The following NKTR variants were observed in gnomAD, a reference collection of about 807,000 sequenced individuals.
The protein encoded by NKTR is NK-tumor recognition protein.
NKTR carries 67 observed loss-of-function variants against 156.3 expected under a neutral mutation model. That is an observed-to-expected ratio of 0.43 (90% CI 0.35 to 0.53). The LOEUF (loss-of-function observed/expected upper bound fraction) is 0.53. Ranked by LOEUF, NKTR falls within the 20% of genes least tolerant of loss-of-function variation. The probability of loss-of-function intolerance (pLI) is 0.01; values close to 1 mark genes in which losing one functional copy is unlikely to be tolerated. For missense variants in NKTR, 1,604 were observed against 1,730.9 expected, an observed-to-expected ratio of 0.93 and a Z score of 1.30; for synonymous variants, 640 against 596.6, an observed-to-expected ratio of 1.07 and a Z score of -1.06.
At chr3:42,644,940 T>G (rs1710227786) in intron 16 of NKTR, among the ~76,000 whole-genome samples, 1 of 152,024 alleles carries the variant, frequency 6.6e-6, no homozygotes. Context: ...TTCTATTCTG[T>G]CCTTGAACCC....
At chr3:42,610,223 C>T (rs948913315) in intron 2 of NKTR, among the ~76,000 whole-genome samples, 2 of 152,054 alleles carry the variant, frequency 1.3e-5, no homozygotes, top group African/African-American at 4.8e-5. Flanking sequence ...AGGCTGGTCT[C>T]GAACTCCCGA....
At chr3:42,621,845 T>C (rs1707932141) in intron 6 of NKTR, among the ~76,000 whole-genome samples, 1 of 151,988 alleles carries the variant, frequency 6.6e-6, no homozygotes, top group African/African-American at 2.4e-5. Context: ...ACATAAACTA[T>C]TGATGAACAT....
At chr3:42,615,825 A>G (rs1559558171) in intron 2 of NKTR, among the ~76,000 whole-genome samples, 1 of 152,214 alleles carries the variant, frequency 6.6e-6, no homozygotes, top group African/African-American at 2.4e-5. Flanking sequence ...AAATGTTTCT[A>G]TATAAATACA....
In NKTR at chr3:42,638,434, A is replaced by G. The variant is rs769523546; in HGVS notation, c.2730A>G (p.Glu910=). Residue 910 remains glutamate (E), a synonymous_variant, in exon 13 of 17, where the codon GAA becomes GAG. Coordinates refer to ENST00000232978, the MANE Select transcript of NKTR (RefSeq NM_005385.4). ...ACTCCCATCCATCCTCTGACAAGGA[A>G]GAAGGTGAGGCCACATCCGATTCTG... ...KNDSHPSSDK[E]EGEATSDSES... 1.1e-5 allele frequency: 17 copies of G among 1,613,286 alleles called. No homozygotes were observed. Among genetic ancestry groups the G allele is most frequent in the Admixed American group, 1.7e-5 (1 of 59,802 alleles).
rs1475492506 is a variant in NKTR at position 42,631,374 on chromosome 3, CTG to C, written c.550+60_550+61del. ...GATGCAGGTAAAGCATTGCTGAAGA[CTG>C]TAACTAGATTTGATTAGTGGAACTA... On this transcript the variant is annotated intron_variant, in intron 8 of 16. Transcript: ENST00000232978. 4.4e-6 allele frequency: 7 copies of C among 1,582,568 alleles called. No homozygotes were observed. In the East Asian group the frequency reaches 6.8e-5, roughly 15 times the overall value.
intron 6 of NKTR, among the ~76,000 whole-genome samples, chr3:42,622,286 C>A (rs1707989703): frequency 6.6e-6 from 1 of 152,022 alleles, no homozygotes; most frequent in Non-Finnish European, 1.5e-5. Flanking sequence ...TGCTTCAAAA[C>A]CTATTTTTAT....
At position 42,612,904 on chromosome 3, in the gene NKTR, T is replaced by TA. The variant is rs569274923; in HGVS notation, c.59-4665dup. 3.7e-4 allele frequency among the ~76,000 whole-genome samples: 57 copies of TA among 152,338 alleles called. 1 individual carries two copies. In the South Asian group the frequency reaches 0.012, roughly 32 times the overall value. On this transcript the variant is annotated intron_variant, in intron 2 of 16. Transcript: ENST00000232978. ...ATTGATATCTTGGTGTTGCTCCACT[T>TA]ACATATTTTTTCCTGGTATGTAGTG...
At chr3:42,627,712 A>T (rs952744546) in intron 6 of NKTR, 1 of 983,830 alleles carries the variant, frequency 1.0e-6, no homozygotes, top group African/African-American at 1.7e-5. Flanking sequence ...AAATGCATAA[A>T]TATTGAAAGG....
At position 42,639,259 on chromosome 3, in the gene NKTR, T is replaced by G; in HGVS notation, c.3555T>G (p.Ser1185Arg). The change falls in exon 13 of 17, where the codon AGT (serine) becomes AGG (arginine). Residue 1185 changes from serine (S) to arginine (R), a missense_variant. Physicochemically the swap from Ser to Arg is moderately radical, Grantham distance 110. Around this residue, in one of 6 missense-constraint regions of NKTR, gnomAD observed 1,255 missense variants for 1,243.7 expected, o/e 1.01. Coordinates refer to ENST00000232978, the MANE Select transcript of NKTR (RefSeq NM_005385.4). ...AACAGGAAAGCAGCATGTCCGAAAGTAAAGTGTTGGGTGAAGTGGGGAAAC... is the reference window on the plus strand; with the variant it reads ...AACAGGAAAGCAGCATGTCCGAAAGGAAAGTGTTGGGTGAAGTGGGGAAAC... ...VVKQESSMSE[S>R]KVLGEVGKQD... 6.2e-7 allele frequency: 1 copy of G among 1,614,168 alleles called. No homozygotes were observed. Among genetic ancestry groups the G allele is most frequent in the Non-Finnish European group, 8.5e-7 (1 of 1,180,012 alleles).
chr3:42,637,203 G>T lies in NKTR; in HGVS notation c.1499G>T (p.Trp500Leu), dbSNP rs1429454349. ...TCTCATCACTCATCAAAGAGAGACTGGTCTAAATCTGATAAGGATGTCCAG... is the reference window on the plus strand; with the variant it reads ...TCTCATCACTCATCAAAGAGAGACTTGTCTAAATCTGATAAGGATGTCCAG... ...LSSHHSSKRD[W>L]SKSDKDVQSS... Residue 500 changes from tryptophan to leucine, a missense_variant, in exon 13 of 17, where the codon TGG becomes TTG. Transcript: ENST00000232978. The T allele has an allele frequency of 6.2e-7, 1 of 1,611,984 alleles. No homozygotes were observed. The highest frequency in any genetic ancestry group is 8.5e-7 in the Non-Finnish European group (1 of 1,179,428).
Position 42,645,939 on chromosome 3 carries a change from T to G in NKTR, c.4353T>G (p.His1451Gln). ...GTGAAAGTGACCGAAGTTACTCTCA[T>G]CACCGGAGCCCCAGTGAGAGCAGCA... ...SDSESDRSYSHHRSPSESSRY... is the reference protein window; with the variant it reads ...SDSESDRSYSQHRSPSESSRY... The change falls in exon 17 of 17, where the codon CAT becomes CAG. Residue 1451 changes from histidine to glutamine, a missense_variant. His to Gln is a conservative substitution (Grantham distance 24). This residue lies in a region of NKTR where 193 missense variants were observed against 220.2 expected (regional missense o/e 0.88). Transcript: ENST00000232978. The G allele has an allele frequency of 2.5e-6, 4 of 1,613,820 alleles. No homozygotes were observed. The highest frequency in any genetic ancestry group is 3.4e-6 in the Non-Finnish European group (4 of 1,179,758).
rs1186677941 is a variant in NKTR at position 42,639,556 on chromosome 3, A to G, written c.3852A>G (p.Thr1284=). ...CTCTCTTTGATGAAGTAAGAAAGAC[A>G]GCACGCTTAAACCGTAGACCAAGAA... ...PGSLFDEVRK[T]ARLNRRPRNQ... The change falls in exon 13 of 17, where the codon ACA becomes ACG. Residue 1284 remains threonine, a synonymous_variant. Transcript: ENST00000232978. 1 of 1,614,246 alleles carries G rather than the reference A, an allele frequency of 6.2e-7. No individual in the cohort carries two copies. The highest frequency in any genetic ancestry group is 8.5e-7 in the Non-Finnish European group (1 of 1,180,032).
Position 42,631,168 on chromosome 3 carries a change from CAG to C in NKTR, c.405-2_405-1del. On this transcript the variant is annotated splice_acceptor_variant, in intron 7 of 16. Coordinates refer to ENST00000232978, the MANE Select transcript of NKTR (RefSeq NM_005385.4). LOFTEE classifies it high-confidence loss of function. ...GTTGTTTCTTGAATTTGTATTATGA[CAG>C]GGTGCATGTAGTCTTTGGACTGGTT... The C allele has an allele frequency of 1.9e-6, 3 of 1,613,154 alleles. No homozygotes were observed. The highest frequency in any genetic ancestry group is 2.5e-6 in the Non-Finnish European group (3 of 1,179,528).
At chr3:42,603,625 A>G (rs1438759343) in intron 2 of NKTR, among the ~76,000 whole-genome samples, 1 of 151,898 alleles carries the variant, frequency 6.6e-6, no homozygotes, top group Non-Finnish European at 1.5e-5. Flanking sequence ...CAATGCTTAC[A>G]TTGTTCTAGG....
intron 6 of NKTR, among the ~76,000 whole-genome samples, chr3:42,625,610 G>C (rs756304433): frequency 6.6e-6 from 1 of 152,092 alleles, no homozygotes; most frequent in Non-Finnish European, 1.5e-5. Flanking sequence ...ACTAGATTCG[G>C]GGTAGAAATG....
In NKTR at chr3:42,634,334, A is replaced by G. The variant is rs184375085; in HGVS notation, c.930-279A>G. Among the ~76,000 whole-genome samples, 3 of 152,382 alleles carry G rather than the reference A, an allele frequency of 2.0e-5. No homozygotes were observed. The East Asian group carries it at 5.8e-4, about 29-fold the overall frequency. On this transcript the variant is annotated intron_variant, in intron 10 of 16. Transcript: ENST00000232978. Reference sequence around the variant, plus strand: ...TATTGAAAGAAAATGTTTCATGAACAGAAATATCATAATGGCTGGTGTCAT... The same window carrying G: ...TATTGAAAGAAAATGTTTCATGAACGGAAATATCATAATGGCTGGTGTCAT...
Position 42,617,556 on chromosome 3 carries a change from G to A in NKTR, c.59-14G>A. 6.8e-6 allele frequency: 10 copies of A among 1,471,688 alleles called. No homozygotes were observed. The highest frequency in any genetic ancestry group is 9.5e-6 in the Non-Finnish European group (10 of 1,053,434). The allele number at this position is 1,471,688 out of a possible 1,614,324, so 91.2% of individuals were successfully genotyped here. A position where few individuals can be genotyped will look rare whatever the true frequency, so the allele number is the denominator to read the frequency against. ...AACTTGCTTACTATTTTTTTCCTAT[G>A]TATTTTATTTCAGTTGGTCGCATTA... On this transcript the variant is annotated splice_polypyrimidine_tract_variant and intron_variant, in intron 2 of 16. Coordinates refer to ENST00000232978, the MANE Select transcript of NKTR (RefSeq NM_005385.4).
intron 6 of NKTR, among the ~76,000 whole-genome samples, chr3:42,623,117 T>C (rs1273019622): frequency 6.6e-6 from 1 of 152,028 alleles, no homozygotes; most frequent in East Asian, 1.9e-4. Flanking sequence ...TTTTATTTTA[T>C]TTAGTACTTG....
chr3:42,632,674 A>C lies in NKTR; in HGVS notation c.624A>C (p.Ser208=), dbSNP rs745994375. 1 of 1,614,002 alleles carries C rather than the reference A, an allele frequency of 6.2e-7. No homozygotes were observed. Among genetic ancestry groups the C allele is most frequent in the Admixed American group, 1.7e-5 (1 of 60,026 alleles). Reference sequence around the variant, plus strand: ...CCTCTTCCAATTCCTCCTCTTCTTCAGAATCATCTTCAGAAAGTGAACTTG... The same window carrying C: ...CCTCTTCCAATTCCTCCTCTTCTTCCGAATCATCTTCAGAAAGTGAACTTG... ...SDSSSNSSSS[S]ESSSESELEH... Residue 208 remains serine, a synonymous_variant, in exon 9 of 17, where the codon TCA becomes TCC. Coordinates refer to ENST00000232978, the MANE Select transcript of NKTR (RefSeq NM_005385.4).
Sources: allele counts gnomAD v4.1 joint callset (sites outside exome capture counted in the v4.1 genomes callset), GRCh38; gene constraint gnomAD v4.1.1; regional missense constraint gnomAD v4.1.1; transcripts MANE v1.5; gene names NCBI Gene and HGNC (gene_info 2026-07-23, HGNC 2026-07-21).